Variants in ADAMTSL3 observed in about 807,000 individuals in gnomAD.
ADAMTSL3 encodes the protein ADAMTS-like protein 3.
ADAMTSL3 carries 128 observed loss-of-function variants against 201.7 expected under a neutral mutation model. That is an observed-to-expected ratio of 0.63 (90% CI 0.55 to 0.73). The LOEUF (loss-of-function observed/expected upper bound fraction) is 0.73. Ranked by LOEUF, ADAMTSL3 falls within the 30% of genes least tolerant of loss-of-function variation. ADAMTSL3 has a pLI of 0.00. For missense variants in ADAMTSL3, 1,990 were observed against 2,119.6 expected, an observed-to-expected ratio of 0.94 and a Z score of 1.20; for synonymous variants, 738 against 748.4, an observed-to-expected ratio of 0.99 and a Z score of 0.23.
At position 83,830,859 on chromosome 15, in the gene ADAMTSL3, G is replaced by A. The variant is rs147592407; in HGVS notation, c.601-7230G>A. On this transcript the variant is annotated intron_variant, in intron 6 of 29. Coordinates refer to ENST00000286744, the MANE Select transcript of ADAMTSL3 (RefSeq NM_207517.3). The stretch of plus-strand genomic sequence containing the variant: ...CAGGAGGCCAGACTGGGAGCAGCAG[G>A]TGGGCAGGATGGAGGGAAAAGAGGA... 5.0e-3 allele frequency among the ~76,000 whole-genome samples: 764 copies of A among 152,260 alleles called. 4 individuals carry two copies. Among genetic ancestry groups the A allele is most frequent in the Non-Finnish European group, 8.2e-3 (560 of 68,028 alleles).
At chr15:84,017,090 ATTATTTTGTTATT>A (rs1291004021) in intron 25 of ADAMTSL3, among the ~76,000 whole-genome samples, 54 of 152,188 alleles carry the variant, frequency 3.5e-4, no homozygotes, top group African/African-American at 1.2e-3. Flanking sequence ...TCTTTTTTTA[ATTATTTTGTTATT>A]TTATTTTGTT....
chr15:83,734,014 C>T lies in ADAMTSL3; in HGVS notation c.189+29506C>T, dbSNP rs145126192. Among the ~76,000 whole-genome samples, 733 of 152,090 alleles carry T rather than the reference C, an allele frequency of 4.8e-3. 4 individuals carry two copies. Among genetic ancestry groups the T allele is most frequent in the Non-Finnish European group, 6.7e-3 (457 of 67,984 alleles). On this transcript the variant is annotated intron_variant, in intron 3 of 29. Transcript: ENST00000286744. ...GATTGGTATTCAGACAGGAGGGAAGCGTGGTGAGTCTCTCAGCGTAAAAGG... is the reference window on the plus strand; with the variant it reads ...GATTGGTATTCAGACAGGAGGGAAGTGTGGTGAGTCTCTCAGCGTAAAAGG...
At chr15:83,775,293 A>G (rs1036864286) in intron 4 of ADAMTSL3, among the ~76,000 whole-genome samples, 4 of 151,292 alleles carry the variant, frequency 2.6e-5, no homozygotes, top group East Asian at 1.9e-4. Context: ...ATAATTTGCA[A>G]TTAGTGGTAG....
At chr15:83,814,221 T>G (rs548811886) in intron 5 of ADAMTSL3, among the ~76,000 whole-genome samples, 1 of 152,266 alleles carries the variant, frequency 6.6e-6, no homozygotes, top group East Asian at 1.9e-4. Context: ...TTCTTTTCTT[T>G]TCCTTGTCAT....
chr15:83,677,851 T>C (rs1193401290), intron 2 of ADAMTSL3, among the ~76,000 whole-genome samples: 1 of 152,118 alleles, frequency 6.6e-6, no homozygotes, highest in Non-Finnish European at 1.5e-5. Context: ...TTTTTTGTTC[T>C]GCTGTTTCCC....
intron 2 of ADAMTSL3, among the ~76,000 whole-genome samples, chr15:83,671,866 G>A (rs1386214127): frequency 2.0e-5 from 3 of 152,178 alleles, no homozygotes; most frequent in Non-Finnish European, 4.4e-5. Context: ...CTCCTTAAGA[G>A]GAATAATGGG....
intron 7 of ADAMTSL3, among the ~76,000 whole-genome samples, chr15:83,839,743 A>G (rs1000594218): frequency 1.7e-4 from 26 of 152,262 alleles, no homozygotes; most frequent in African/African-American, 6.0e-4. Context: ...TGACAGCTAT[A>G]AGAGAAAAGA....
Position 83,961,342 on chromosome 15 carries a change from A to G in ADAMTSL3, c.2491-9142A>G, listed in dbSNP as rs189063939. Among the ~76,000 whole-genome samples, 3 of 152,334 alleles carry G rather than the reference A, an allele frequency of 2.0e-5. No individual in the cohort carries two copies. The East Asian group carries it at 5.8e-4, about 29-fold the overall frequency. On this transcript the variant is annotated intron_variant, in intron 19 of 29. Coordinates refer to ENST00000286744, the MANE Select transcript of ADAMTSL3 (RefSeq NM_207517.3). ...TATGGAAGACGGACAAAGGAGATCAAACATAAACACAATTGGTATTTGTTG... is the reference window on the plus strand; with the variant it reads ...TATGGAAGACGGACAAAGGAGATCAGACATAAACACAATTGGTATTTGTTG...
At chr15:83,715,599 T>C (rs767554880) in intron 3 of ADAMTSL3, among the ~76,000 whole-genome samples, 9 of 152,200 alleles carry the variant, frequency 5.9e-5, no homozygotes, top group Non-Finnish European at 1.0e-4. Flanking sequence ...TTCTCATCAC[T>C]ATAGCTCCAG....
chr15:83,775,999 A>C (rs1596186065), intron 4 of ADAMTSL3, among the ~76,000 whole-genome samples: 1 of 151,822 alleles, frequency 6.6e-6, no homozygotes, highest in East Asian at 1.9e-4. Context: ...TGCTAAACAA[A>C]CTCTTCAAGT....
chr15:84,014,762 T>G, intron 24 of ADAMTSL3, 38 bp downstream of exon 24: 1 of 1,563,032 alleles, frequency 6.4e-7, no homozygotes. Context: ...AAGTGCCTCC[T>G]GTAATATGCA....
At chr15:84,004,784 C>T (rs4842929) in intron 23 of ADAMTSL3, among the ~76,000 whole-genome samples, 1 of 151,870 alleles carries the variant, frequency 6.6e-6, no homozygotes, top group Non-Finnish European at 1.5e-5. Flanking sequence ...TTTTGAGATG[C>T]GTCTTTAAGA....
chr15:83,658,585 G>A (rs1258290083), intron 2 of ADAMTSL3, among the ~76,000 whole-genome samples: 1 of 152,154 alleles, frequency 6.6e-6, no homozygotes, highest in Non-Finnish European at 1.5e-5. Context: ...CAGCTGGAGC[G>A]GCCTCCCCTC....
chr15:83,852,360 C>T (rs747100622), intron 7 of ADAMTSL3, among the ~76,000 whole-genome samples: 3 of 152,108 alleles, frequency 2.0e-5, no homozygotes, highest in African/African-American at 4.8e-5. Flanking sequence ...GTGATCCACC[C>T]GCCTCAGCCT....
In ADAMTSL3 at chr15:84,033,649, A is replaced by T. The variant is rs139198574; in HGVS notation, c.4754+2217A>T. ...ACTCCAGCCTGGGCAACAGAGCAAGACTCTATCTCAAAAAAACAAACCAAA... is the reference window on the plus strand; with the variant it reads ...ACTCCAGCCTGGGCAACAGAGCAAGTCTCTATCTCAAAAAAACAAACCAAA... On this transcript the variant is annotated intron_variant, in intron 28 of 29. Coordinates refer to ENST00000286744, the MANE Select transcript of ADAMTSL3 (RefSeq NM_207517.3). Among the ~76,000 whole-genome samples, 1,084 of 152,098 alleles carry T rather than the reference A, an allele frequency of 7.1e-3. 3 individuals are homozygous for T. The highest frequency in any genetic ancestry group is 0.012 in the Non-Finnish European group (841 of 67,992).
chr15:83,898,666 T>C, intron 14 of ADAMTSL3, among the ~76,000 whole-genome samples: 1 of 152,216 alleles, frequency 6.6e-6, no homozygotes, highest in East Asian at 1.9e-4. Context: ...TGATATATGA[T>C]CTTCTCTGTA....
At chr15:83,760,278 A>G (rs983058410) in intron 3 of ADAMTSL3, among the ~76,000 whole-genome samples, 2 of 152,038 alleles carry the variant, frequency 1.3e-5, no homozygotes, top group Admixed American at 1.3e-4. Context: ...TCTAATTTTC[A>G]TTGTGATTAA....
chr15:83,828,829 T>C (rs2064085115), intron 6 of ADAMTSL3, among the ~76,000 whole-genome samples: 1 of 152,244 alleles, frequency 6.6e-6, no homozygotes, highest in Non-Finnish European at 1.5e-5. Context: ...GGATTACGTT[T>C]ATTGATTTTC....
At chr15:83,911,519 A>G (rs542012032) in intron 15 of ADAMTSL3, among the ~76,000 whole-genome samples, 2 of 152,324 alleles carry the variant, frequency 1.3e-5, no homozygotes, top group African/African-American at 4.8e-5. Flanking sequence ...GAGAAAGAAA[A>G]GACACATCAA....
Sources: gnomAD v4.1 joint callset for allele counts (sites outside exome capture counted in the v4.1 genomes callset) on GRCh38, gnomAD v4.1.1 for gene constraint, MANE v1.5 for transcripts, NCBI Gene and HGNC (gene_info 2026-07-23, HGNC 2026-07-21) for gene names.